MAP2: variants seen among roughly 807,000 people sequenced by gnomAD.
MAP2 encodes the protein microtubule-associated protein 2.
MAP2 carries 14 observed loss-of-function variants against 137.6 expected under a neutral mutation model. The ratio of observed to expected loss-of-function variants is 0.10; its 90% CI spans 0.07 to 0.16. The LOEUF (loss-of-function observed/expected upper bound fraction) is 0.16. Ranked by LOEUF, MAP2 falls within the 10% of genes least tolerant of loss-of-function variation. The pLI is 1.00. For missense variants in MAP2, 2,088 were observed against 2,191.5 expected, an observed-to-expected ratio of 0.95 and a Z score of 0.94; for synonymous variants, 786 against 782.3, an observed-to-expected ratio of 1.00 and a Z score of -0.08.
intron 5 of MAP2, chr2:209,661,549 G>A (rs2043642369): frequency 1.0e-6 from 1 of 985,356 alleles, no homozygotes; most frequent in Non-Finnish European, 1.2e-6. Context: ...CGAAGCATCT[G>A]GGCCTGGTGG....
intron 1 of MAP2, among the ~76,000 whole-genome samples, chr2:209,497,098 G>GTATGGACTGTAAATACTGT (rs2059839701): frequency 6.6e-6 from 1 of 152,142 alleles, no homozygotes; most frequent in African/African-American, 2.4e-5. Flanking sequence ...CCTAAATTCT[G>GTATGGACTGTAAATACTGT]TATGGACTGT....
intron 13 of MAP2, among the ~76,000 whole-genome samples, chr2:209,720,638 CAAAA>C (rs3036697): frequency 1.4e-5 from 1 of 72,790 alleles, no homozygotes; most frequent in African/African-American, 4.8e-5. Flanking sequence ...TACTTGGTCT[CAAAA>C]AAAAAAAAAA....
chr2:209,690,843 G>A, intron 7 of MAP2: 1 of 1,278,312 alleles, frequency 7.8e-7, no homozygotes, highest in Non-Finnish European at 1.0e-6. Context: ...TCCTCTGCTG[G>A]GGAAGGTGTG....
At chr2:209,614,178 C>G (rs2088137212) in intron 3 of MAP2, among the ~76,000 whole-genome samples, 1 of 152,060 alleles carries the variant, frequency 6.6e-6, no homozygotes, top group Non-Finnish European at 1.5e-5. Context: ...CCGACTGCCC[C>G]TCATCTCAGT....
intron 5 of MAP2, among the ~76,000 whole-genome samples, chr2:209,653,889 T>C (rs10174385): frequency 3.3e-5 from 5 of 152,200 alleles, no homozygotes; most frequent in African/African-American, 1.2e-4. Flanking sequence ...TTAGCTTTTC[T>C]ACATGCAAGG....
At chr2:209,616,822 C>A (rs1210219072) in intron 3 of MAP2, among the ~76,000 whole-genome samples, 4 of 152,142 alleles carry the variant, frequency 2.6e-5, no homozygotes, top group Non-Finnish European at 4.4e-5. Flanking sequence ...TTAGTCTGCC[C>A]AGCCTGCCAT....
At chr2:209,648,485 T>C (rs945479428) in intron 4 of MAP2, among the ~76,000 whole-genome samples, 6 of 152,010 alleles carry the variant, frequency 3.9e-5, no homozygotes, top group Non-Finnish European at 5.9e-5. Flanking sequence ...AAAAGTAAGA[T>C]TCCCATTGCA....
intron 14 of MAP2, among the ~76,000 whole-genome samples, chr2:209,726,390 T>TC (rs2074012396): frequency 6.6e-6 from 1 of 152,216 alleles, no homozygotes; most frequent in South Asian, 2.1e-4. Flanking sequence ...TGGGAGATTT[T>TC]CTCCCTTTAA....
intron 8 of MAP2, 44 bp downstream of exon 8, chr2:209,696,394 CT>C (rs750033110): frequency 1.3e-6 from 2 of 1,519,020 alleles, no homozygotes; most frequent in South Asian, 2.7e-5. Context: ...ACACAATAAC[CT>C]TATGGGAATT....
At position 209,694,638 on chromosome 2, in the gene MAP2, G is replaced by T; in HGVS notation, c.2468G>T (p.Ser823Ile). ...AGTRSRLASV[S>I]ADAEVARRKS... ...ACAAGGTCAAGATTGGCTTCTGTGA[G>T]TGCAGATGCTGAGGTTGCCAGGAGG... Residue 823 changes from serine (S) to isoleucine (I), a missense_variant, in exon 8 of 16, where the codon AGT becomes ATT. This residue lies in a region of MAP2 where 500 missense variants were observed against 482.9 expected (regional missense o/e 1.04). Transcript: ENST00000682079. 1 of 1,614,156 alleles carries T rather than the reference G, an allele frequency of 6.2e-7. No homozygotes were observed. Among genetic ancestry groups the T allele is most frequent in the South Asian group, 1.1e-5 (1 of 91,082 alleles).
intron 1 of MAP2, among the ~76,000 whole-genome samples, chr2:209,463,570 A>G (rs967770329): frequency 6.6e-6 from 1 of 152,202 alleles, no homozygotes; most frequent in Admixed American, 6.5e-5. Context: ...ATTCTTATAT[A>G]TACCAATGAG....
At chr2:209,460,996 A>G (rs1210364949) in intron 1 of MAP2, among the ~76,000 whole-genome samples, 1 of 152,010 alleles carries the variant, frequency 6.6e-6, no homozygotes, top group Non-Finnish European at 1.5e-5. Context: ...TGATCCACCT[A>G]CCTCAGCCTC....
chr2:209,727,831 TG>T (rs1285264054), intron 14 of MAP2, among the ~76,000 whole-genome samples: 1 of 152,226 alleles, frequency 6.6e-6, no homozygotes, highest in African/African-American at 2.4e-5. Flanking sequence ...CTCTAACAGT[TG>T]CATAAGAATT....
intron 4 of MAP2, 89 bp downstream of exon 4, chr2:209,625,218 G>C (rs563398972): frequency 5.7e-4 from 86 of 152,142 alleles, no homozygotes; most frequent in African/African-American, 1.9e-3. Context: ...CTTTAAATAA[G>C]TAACAATTCA....
chr2:209,518,142 A>C (rs1172846200), intron 2 of MAP2, among the ~76,000 whole-genome samples: 2 of 152,092 alleles, frequency 1.3e-5, no homozygotes, highest in African/African-American at 2.4e-5. Context: ...TATTAAATCA[A>C]GTAGTGAAGA....
At chr2:209,697,950 G>A (rs2060676213) in intron 10 of MAP2, among the ~76,000 whole-genome samples, 1 of 152,052 alleles carries the variant, frequency 6.6e-6, no homozygotes, top group Admixed American at 6.5e-5. Flanking sequence ...CTGGGTTCAA[G>A]CAGTTCTTCT....
chr2:209,644,093 T>C (rs775097417), intron 4 of MAP2, among the ~76,000 whole-genome samples: 5 of 152,176 alleles, frequency 3.3e-5, no homozygotes, highest in Admixed American at 1.3e-4. Context: ...AAGTCCCACA[T>C]TGAGAAATTC....
At position 209,731,414 on chromosome 2, in the gene MAP2, A is replaced by G. The variant is rs918695067; in HGVS notation, c.*1017A>G. On this transcript the variant is annotated 3_prime_UTR_variant, in exon 16 of 16. Transcript: ENST00000682079. ...AAAGCCGTAACCCTGTTTTAGTGCC[A>G]GATACAAGTCTCTCCCGTGATGCTA... 1 of 152,604 alleles carries G rather than the reference A, an allele frequency of 6.6e-6. No homozygotes were observed. The highest frequency in any genetic ancestry group is 1.5e-5 in the Non-Finnish European group (1 of 68,034). The allele number at this position is 152,604 out of a possible 1,614,324, so 9.5% of individuals were successfully genotyped here.
At chr2:209,429,191 G>C (rs1157253159) in intron 1 of MAP2, among the ~76,000 whole-genome samples, 1 of 151,718 alleles carries the variant, frequency 6.6e-6, no homozygotes, top group Non-Finnish European at 1.5e-5. Flanking sequence ...CTGACCTCGT[G>C]ATCCGCCCGC....
Sources: gnomAD v4.1 joint callset for allele counts (sites outside exome capture counted in the v4.1 genomes callset) on GRCh38, gnomAD v4.1.1 for gene constraint, gnomAD v4.1.1 regional missense constraint, MANE v1.5 for transcripts, NCBI Gene and HGNC (gene_info 2026-07-23, HGNC 2026-07-21) for gene names.